The following CABP5 variants were observed in gnomAD, a reference collection of about 807,000 sequenced individuals.
CABP5 encodes the protein calcium binding protein 5.
A neutral mutation model predicts 21.9 loss-of-function variants in CABP5; 17 were observed. The observed-to-expected ratio is 0.78, with a 90% CI of 0.53 to 1.17. The LOEUF (loss-of-function observed/expected upper bound fraction) is 1.17, where lower values mean the gene tolerates loss of function less well. Among genes scored for constraint, CABP5 ranks in the 50% most tolerant of loss-of-function variants. The pLI is 0.00. For synonymous variants in CABP5, 85 were observed against 79.4 expected (o/e 1.07, Z -0.37); for missense variants, 229 against 228.9 (o/e 1.00, Z 0.00).
rs190244516 is a variant in CABP5, at chr19:48,034,300, G to A, written c.411C>T (p.Leu137=). ...LVELQQAMQR[L]LGERLTPREI... ...CCCGGGGGGTGAGCCGCTCCCCCAGGAGTCTCTGCATGGCCTGCTGTAGCT... is the reference window on the plus strand; with the variant it reads ...CCCGGGGGGTGAGCCGCTCCCCCAGAAGTCTCTGCATGGCCTGCTGTAGCT... The change falls in exon 5 of 6, where the codon CTC becomes CTT. Residue 137 remains leucine (L), a synonymous_variant. Transcript: ENST00000293255. 4.8e-5 allele frequency: 78 copies of A among 1,609,374 alleles called. No individual in the cohort carries two copies. The highest frequency in any genetic ancestry group is 6.5e-5 in the Non-Finnish European group (76 of 1,178,208).
At position 48,043,859 on chromosome 19, in the gene CABP5, C is replaced by A; in HGVS notation, c.63+1G>T. 1 of 1,499,866 alleles carries A rather than the reference C, an allele frequency of 6.7e-7. No homozygotes were observed. 92.9% of individuals were successfully genotyped at this position (1,499,866 alleles called of 1,614,324 possible). On this transcript the variant is annotated splice_donor_variant, in intron 1 of 5. Coordinates refer to ENST00000293255, the MANE Select transcript of CABP5 (RefSeq NM_019855.5). LOFTEE classifies it high-confidence loss of function. ...CCCTTCCCCCTCACTCCCCACCTCA[C>A]CCGCTGTTTCTCAGCAATGCCTTTC...
chr19:48,039,506 A>G (rs1172634216), intron 3 of CABP5, among the ~76,000 whole-genome samples, 189 bp from the exon 4 acceptor site: 1 of 152,108 alleles, frequency 6.6e-6, no homozygotes, highest in Non-Finnish European at 1.5e-5. Context: ...AGGAGTGGAT[A>G]GGGTGTGGTA....
At chr19:48,041,790 C>A (rs896437334) in intron 1 of CABP5, among the ~76,000 whole-genome samples, 187 bp from the exon 2 acceptor site, 7 of 152,024 alleles carry the variant, frequency 4.6e-5, no homozygotes, top group Admixed American at 1.3e-4. Context: ...GGCTCCCCAC[C>A]CCCCTCTCGA....
intron 5 of CABP5, among the ~76,000 whole-genome samples, chr19:48,032,083 G>A (rs1967346366): frequency 6.6e-6 from 1 of 152,002 alleles, no homozygotes; most frequent in Non-Finnish European, 1.5e-5. Context: ...GAAGACATGA[G>A]GGAAGGATGG....
At chr19:48,037,255 T>C (rs1243038575) in intron 4 of CABP5, among the ~76,000 whole-genome samples, 1 of 135,688 alleles carries the variant, frequency 7.4e-6, no homozygotes, top group African/African-American at 2.7e-5. Context: ...GGAATACTAT[T>C]CAGCTTTTTT....
chr19:48,039,782 C>T (rs763490691), intron 3 of CABP5, among the ~76,000 whole-genome samples: 26 of 127,068 alleles, frequency 2.0e-4, no homozygotes, highest in Non-Finnish European at 3.1e-4. Flanking sequence ...GGTGCGATCT[C>T]GGCTCACTGC....
rs35163057 is a variant in CABP5 at position 48,034,520 on chromosome 19, G to GT, written c.349-159dup. On this transcript the variant is annotated intron_variant, in intron 4 of 5. Transcript: ENST00000293255. ...CAGCTCCAAAAGACAGTTTTGTTCTGTTTTTTTTTTTCTTTTTTTCTTTCT... is the reference window on the plus strand; with the variant it reads ...CAGCTCCAAAAGACAGTTTTGTTCTGTTTTTTTTTTTTCTTTTTTTCTTTCT... 9.6e-3 allele frequency among the ~76,000 whole-genome samples: 1,335 copies of GT among 138,448 alleles called. 25 individuals carry two copies. The highest frequency in any genetic ancestry group is 0.033 in the African/African-American group (1,218 of 37,122). The allele number at this position is 138,448 out of a possible 152,430, so 90.8% of individuals were successfully genotyped here. A position where few individuals can be genotyped will look rare whatever the true frequency, so the allele number is the denominator to read the frequency against.
chr19:48,043,286 C>G (rs1239083455), intron 1 of CABP5, among the ~76,000 whole-genome samples: 2 of 151,396 alleles, frequency 1.3e-5, no homozygotes, highest in African/African-American at 4.9e-5. Flanking sequence ...GCGATTCAGG[C>G]ATGAGCCACT....
intron 4 of CABP5, among the ~76,000 whole-genome samples, chr19:48,035,043 T>C (rs527535135): frequency 6.6e-6 from 1 of 152,336 alleles, no homozygotes; most frequent in South Asian, 2.1e-4. Flanking sequence ...ATAGTTATCC[T>C]GCTGTGCAAT....
rs757954169 is a variant in CABP5, at chr19:48,034,228, T to G, written c.483A>C (p.Thr161=). ...CGTCAATGTCACCTTCAAAGTCAAC[T>G]GTGCCGTCTCCATTAACATCAGCCT... The part of the protein sequence containing the change: ...VREADVNGDG[T]VDFEEFVKMM... Residue 161 remains threonine, a synonymous_variant, in exon 5 of 6, where the codon ACA becomes ACC. Coordinates refer to ENST00000293255, the MANE Select transcript of CABP5 (RefSeq NM_019855.5). 3 of 1,586,740 alleles carry G rather than the reference T, an allele frequency of 1.9e-6. No homozygotes were observed. In the South Asian group the frequency reaches 3.4e-5, roughly 18 times the overall value.
At chr19:48,031,050 G>A (rs981227752) in intron 5 of CABP5, among the ~76,000 whole-genome samples, 1 of 152,084 alleles carries the variant, frequency 6.6e-6, no homozygotes, top group Admixed American at 6.6e-5. Context: ...AACTACTGTG[G>A]TTATTATTAT....
intron 4 of CABP5, among the ~76,000 whole-genome samples, chr19:48,035,491 A>G (rs113717918): frequency 0.1 from 15,219 of 152,214 alleles, 782 homozygotes; most frequent in South Asian, 0.13. Context: ...CGGCTACTCG[A>G]GAGGCTGAGG....
intron 2 of CABP5, 42 bp from the exon 3 acceptor site, chr19:48,040,790 A>G (rs1967471265): frequency 1.3e-6 from 2 of 1,599,382 alleles, no homozygotes; most frequent in East Asian, 2.2e-5. Flanking sequence ...TGAAGCAGTC[A>G]GTGGGGAAGA....
chr19:48,039,785 C>G (rs1967457809), intron 3 of CABP5, among the ~76,000 whole-genome samples: 1 of 134,146 alleles, frequency 7.5e-6, no homozygotes, highest in Non-Finnish European at 1.5e-5. Flanking sequence ...GCGATCTCGG[C>G]TCACTGCAAC....
chr19:48,037,259 C>CTTTTTTTTTT (rs57230665), intron 4 of CABP5, among the ~76,000 whole-genome samples: 5,476 of 44,850 alleles, frequency 0.12, 1,761 homozygotes, highest in East Asian at 0.2. Flanking sequence ...TACTATTCAG[C>CTTTTTTTTTT]TTTTTTTTTT....
Position 48,042,976 on chromosome 19 carries a change from C to T in CABP5, c.63+884G>A, listed in dbSNP as rs76989160. ...GGAAAAATAAAAAAATTTTAAAAAG[C>T]ATGCCCACAGGAATCAAGCAAACCC... is the stretch of plus-strand genomic sequence containing the variant. On this transcript the variant is annotated intron_variant, in intron 1 of 5. Coordinates refer to ENST00000293255, the MANE Select transcript of CABP5 (RefSeq NM_019855.5). 6.2e-3 allele frequency among the ~76,000 whole-genome samples: 948 copies of T among 152,152 alleles called. 7 individuals are homozygous for T. The highest frequency in any genetic ancestry group is 0.021 in the African/African-American group (888 of 41,510).
At chr19:48,031,963 A>G (rs1967345109) in intron 5 of CABP5, among the ~76,000 whole-genome samples, 1 of 150,652 alleles carries the variant, frequency 6.6e-6, no homozygotes, top group Non-Finnish European at 1.5e-5. Context: ...CCTCCTCTCT[A>G]TCTAGGATGG....
chr19:48,041,838 T>A (rs1206908914), intron 1 of CABP5, among the ~76,000 whole-genome samples: 1 of 151,868 alleles, frequency 6.6e-6, no homozygotes, highest in Non-Finnish European at 1.5e-5. Context: ...TCTCCCTTTT[T>A]CTCCCTTTCT....
At chr19:48,037,997 C>T (rs1251356226) in intron 4 of CABP5, among the ~76,000 whole-genome samples, 1 of 152,154 alleles carries the variant, frequency 6.6e-6, no homozygotes, top group African/African-American at 2.4e-5. Flanking sequence ...TCACTGCAAC[C>T]TCTGCCTCCC....
Sources: allele counts gnomAD v4.1 joint callset (sites outside exome capture counted in the v4.1 genomes callset), GRCh38; gene constraint gnomAD v4.1.1; transcripts MANE v1.5; gene names NCBI Gene and HGNC (gene_info 2026-07-23, HGNC 2026-07-21).